The following RASA4B variants were observed in gnomAD, a reference collection of about 807,000 sequenced individuals.
The protein encoded by RASA4B is RAS p21 protein activator 4B, also known as ras GTPase-activating protein 4B.
A neutral mutation model predicts 24.2 loss-of-function variants in RASA4B; 2 were observed. That is an observed-to-expected ratio of 0.08 (90% CI 0.03 to 0.26). RASA4B has a LOEUF of 0.26. Ranked by LOEUF, RASA4B falls within the 10% of genes least tolerant of loss-of-function variation. The probability of loss-of-function intolerance (pLI) is 1.00; values close to 1 mark genes in which losing one functional copy is unlikely to be tolerated. For missense variants in RASA4B, 8 were observed against 277.2 expected (o/e 0.03, Z 6.90); for synonymous variants, 2 against 125.6 (o/e 0.02, Z 6.58).
chr7:102,490,550 G>C, intron 17 of RASA4B, among the ~76,000 whole-genome samples: 1 of 149,678 alleles, frequency 6.7e-6, no homozygotes, highest in South Asian at 2.2e-4. Context: ...TGGATGCCCA[G>C]GGAAAGACAT....
intron 5 of RASA4B, among the ~76,000 whole-genome samples, chr7:102,504,701 C>CA (rs374923276): frequency 0.29 from 29,651 of 103,468 alleles, 1,007 homozygotes; most frequent in Non-Finnish European, 0.32. Context: ...AAAAACCCAC[C>CA]AAAAAAAAAA....
chr7:102,480,345 G>C lies in RASA4B; in HGVS notation c.*3247C>G, dbSNP rs1442646674. ...CTGCTCAGGGGGTTGGCAGAAGCCA[G>C]CAAGGCTTGGGGTTTCCCTGTTTGG... On this transcript the variant is annotated 3_prime_UTR_variant, in exon 21 of 21. Coordinates refer to ENST00000465829, the MANE Select transcript of RASA4B (RefSeq NM_001367767.2). 6.6e-6 allele frequency among the ~76,000 whole-genome samples: 1 copy of C among 151,770 alleles called. No individual in the cohort carries two copies. The highest frequency in any genetic ancestry group is 1.5e-5 in the Non-Finnish European group (1 of 67,920).
Position 102,480,911 on chromosome 7 carries a change from TGCCCA to T in RASA4B, c.*2676_*2680del, listed in dbSNP as rs1201765412. On this transcript the variant is annotated 3_prime_UTR_variant, in exon 21 of 21. Transcript: ENST00000465829. ...CTGGGATTACAGGCATGTGCCACTG[TGCCCA>T]GCCAAGTGCAGTATCTTATCACACC... 3.7e-5 allele frequency among the ~76,000 whole-genome samples: 3 copies of T among 81,892 alleles called. No homozygotes were observed. Among genetic ancestry groups the T allele is most frequent in the Non-Finnish European group, 6.5e-5 (2 of 30,612 alleles). The allele number at this position is 81,892 out of a possible 152,430, so 53.7% of individuals were successfully genotyped here. A position where few individuals can be genotyped will look rare whatever the true frequency, so the allele number is the denominator to read the frequency against.
chr7:102,509,107 T>TC (rs1799629066), intron 4 of RASA4B, among the ~76,000 whole-genome samples: 1 of 4,524 alleles, frequency 2.2e-4, no homozygotes, highest in Non-Finnish European at 1.2e-3. Flanking sequence ...GTGCCCGGCC[T>TC]TTTTTTTAAA....
chr7:102,504,089 A>C (rs1586778035), intron 5 of RASA4B, among the ~76,000 whole-genome samples: 2 of 143,842 alleles, frequency 1.4e-5, no homozygotes. Context: ...GGCGTGAGCC[A>C]CCGCGCCTGG....
rs1373183200 is a variant in RASA4B at position 102,480,095 on chromosome 7, A to T, written c.*3497T>A. 6.6e-6 allele frequency among the ~76,000 whole-genome samples: 1 copy of T among 152,064 alleles called. No individual in the cohort carries two copies. The highest frequency in any genetic ancestry group is 2.4e-5 in the African/African-American group (1 of 41,432). On this transcript the variant is annotated 3_prime_UTR_variant, in exon 21 of 21. Transcript: ENST00000465829. ...GGGGACAATGAGGAGTGACCAGAAG[A>T]CAAGAGTGCGAGCTTTCTGTTATGC... is the stretch of plus-strand genomic sequence containing the variant.
intron 19 of RASA4B, among the ~76,000 whole-genome samples, 162 bp downstream of exon 19, chr7:102,484,876 TG>T (rs1365416478): frequency 1.0e-4 from 10 of 97,046 alleles, no homozygotes; most frequent in Non-Finnish European, 2.0e-4. Flanking sequence ...CCCTGACCCT[TG>T]GGGCCTCTGT....
At chr7:102,496,698 C>A (rs1451789751) in intron 9 of RASA4B, 79 bp from the exon 10 acceptor site, 1 of 1,311,520 alleles carries the variant, frequency 7.6e-7, no homozygotes, top group Non-Finnish European at 1.1e-6. Flanking sequence ...GGACAGTTTC[C>A]CAAGGGGTGG....
In RASA4B at chr7:102,480,387, A is replaced by G. The variant is rs200864556; in HGVS notation, c.*3205T>C. On this transcript the variant is annotated 3_prime_UTR_variant, in exon 21 of 21. Transcript: ENST00000465829. ...CCTGTTTGGAGCTCTCCAAGTTGAG[A>G]GTGCAGAGGAGTGTGAGATGCGTGT... Among the ~76,000 whole-genome samples, 9,305 of 149,346 alleles carry G rather than the reference A, an allele frequency of 0.062. 309 individuals are homozygous for G. The highest frequency in any genetic ancestry group is 0.075 in the Non-Finnish European group (5,056 of 67,098).
intron 6 of RASA4B, among the ~76,000 whole-genome samples, chr7:102,502,779 A>G (rs1171419079): frequency 2.5e-5 from 3 of 120,576 alleles, no homozygotes; most frequent in African/African-American, 7.9e-5. Context: ...AAACACCACG[A>G]AACACAAAAC....
In RASA4B at chr7:102,480,156, G is replaced by A. The variant is rs936164232; in HGVS notation, c.*3436C>T. ...CCACCAGAGGGCTCCTTGGTCTAGC[G>A]GTAACGCCAGCATCTGGGAAGACAC... On this transcript the variant is annotated 3_prime_UTR_variant, in exon 21 of 21. Transcript: ENST00000465829. Among the ~76,000 whole-genome samples the A allele has an allele frequency of 9.2e-5, 14 of 152,112 alleles. No homozygotes were observed. Among genetic ancestry groups the A allele is most frequent in the African/African-American group, 2.4e-4 (10 of 41,446 alleles).
intron 17 of RASA4B, among the ~76,000 whole-genome samples, chr7:102,490,677 G>T (rs1164054929): frequency 1.3e-5 from 2 of 152,242 alleles, no homozygotes; most frequent in Non-Finnish European, 2.9e-5. Flanking sequence ...GGGGCGAGAG[G>T]CTCAATCAAC....
chr7:102,492,698 T>G (rs1368314326), intron 16 of RASA4B, among the ~76,000 whole-genome samples: 1 of 134,448 alleles, frequency 7.4e-6, no homozygotes, highest in African/African-American at 2.5e-5. Context: ...GGAGTCTTGC[T>G]CTGTTGCCCA....
chr7:102,498,075 T>A (rs1458601304), intron 8 of RASA4B, among the ~76,000 whole-genome samples: 18 of 117,714 alleles, frequency 1.5e-4, no homozygotes, highest in African/African-American at 5.2e-4. Context: ...TATTAACTAT[T>A]TTTTTTAGAG....
chr7:102,489,617 C>G (rs1179225523), intron 17 of RASA4B, among the ~76,000 whole-genome samples: 5 of 149,260 alleles, frequency 3.3e-5, no homozygotes, highest in Admixed American at 6.8e-5. Flanking sequence ...CTCAGCCCCC[C>G]AAGTAGCTGG....
At chr7:102,512,961 G>A (rs1263447071) in intron 1 of RASA4B, among the ~76,000 whole-genome samples, 245 of 150,218 alleles carry the variant, frequency 1.6e-3, no homozygotes, top group African/African-American at 2.2e-3. Context: ...TGTTCCTCCC[G>A]CAGGGGATAG....
rs528960472 is a variant in RASA4B at position 102,492,733 on chromosome 7, C to T, written c.1830+383G>A. ...AGGTTGGAGTGCAGTGGCACGATCT[C>T]GGCTCACTGCAACCTCCGCCTCCCA... On this transcript the variant is annotated intron_variant, in intron 16 of 20. Coordinates refer to ENST00000465829, the MANE Select transcript of RASA4B (RefSeq NM_001367767.2). Among the ~76,000 whole-genome samples the T allele has an allele frequency of 3.0e-3, 240 of 79,274 alleles. 9 individuals are homozygous for T. Among genetic ancestry groups the T allele is most frequent in the African/African-American group, 6.3e-3 (227 of 35,926 alleles). 52.0% of individuals were successfully genotyped at this position (79,274 alleles called of 152,430 possible).
intron 19 of RASA4B, among the ~76,000 whole-genome samples, chr7:102,484,761 C>T (rs1294259296): frequency 6.7e-6 from 1 of 149,544 alleles, no homozygotes; most frequent in Non-Finnish European, 1.5e-5. Flanking sequence ...GGCCAGGGAA[C>T]TCAGGGAATT....
chr7:102,481,203 C>T lies in RASA4B; in HGVS notation c.*2389G>A. Among the ~76,000 whole-genome samples the T allele has an allele frequency of 1.1e-5, 1 of 91,924 alleles. No homozygotes were observed. Among genetic ancestry groups the T allele is most frequent in the Non-Finnish European group, 2.6e-5 (1 of 38,008 alleles). 60.3% of individuals were successfully genotyped at this position (91,924 alleles called of 152,430 possible). A position where few individuals can be genotyped will look rare whatever the true frequency, so the allele number is the denominator to read the frequency against. On this transcript the variant is annotated 3_prime_UTR_variant, in exon 21 of 21. Transcript: ENST00000465829. ...ATTTAGTTCAAAAATTTCAAGTCTC[C>T]TTTATTTTCCCTTTTTTTTTTTTTT... is the stretch of plus-strand genomic sequence containing the variant.
Sources: allele counts gnomAD v4.1 joint callset (sites outside exome capture counted in the v4.1 genomes callset), GRCh38; gene constraint gnomAD v4.1.1; transcripts MANE v1.5; gene names NCBI Gene and HGNC (gene_info 2026-07-23, HGNC 2026-07-21).